Variants in RCSD1 observed in about 807,000 individuals in gnomAD.
RCSD1 encodes RCSD domain containing 1.
RCSD1 carries 26 observed loss-of-function variants against 42.5 expected under a neutral mutation model. The ratio of observed to expected loss-of-function variants is 0.61; its 90% CI spans 0.45 to 0.85. The LOEUF (loss-of-function observed/expected upper bound fraction) is 0.85. Among genes scored for constraint, RCSD1 ranks in the 40% least tolerant of loss-of-function variants. The probability of loss-of-function intolerance (pLI) is 0.00; values close to 1 mark genes in which losing one functional copy is unlikely to be tolerated. For synonymous variants in RCSD1, 220 were observed against 212.2 expected, an observed-to-expected ratio of 1.04 and a Z score of -0.32; for missense variants, 571 against 528.3, an observed-to-expected ratio of 1.08 and a Z score of -0.79.
intron 1 of RCSD1, among the ~76,000 whole-genome samples, chr1:167,665,216 G>A (rs1247661076): frequency 6.6e-6 from 1 of 152,086 alleles, no homozygotes; most frequent in East Asian, 1.9e-4. Flanking sequence ...AGAACCATAC[G>A]GGAAGTCATT....
intron 1 of RCSD1, among the ~76,000 whole-genome samples, chr1:167,670,471 C>CA (rs1658777479): frequency 6.6e-6 from 1 of 152,074 alleles, no homozygotes; most frequent in South Asian, 2.1e-4. Flanking sequence ...AAAGAGAAGA[C>CA]AAAAATGGTT....
chr1:167,641,377 A>G (rs1408362994), intron 1 of RCSD1: 1 of 152,198 alleles, frequency 6.6e-6, no homozygotes, highest in Non-Finnish European at 1.5e-5. Flanking sequence ...TAATCCCTTC[A>G]TTCATTTATT....
chr1:167,703,343 T>C (rs529050854), intron 6 of RCSD1, among the ~76,000 whole-genome samples: 12 of 152,074 alleles, frequency 7.9e-5, no homozygotes, highest in Non-Finnish European at 1.6e-4. Context: ...ACCAGCGCTT[T>C]GTGGGAGCTC....
intron 6 of RCSD1, among the ~76,000 whole-genome samples, chr1:167,698,199 G>T (rs1362184652): frequency 5.3e-5 from 8 of 152,126 alleles, no homozygotes; most frequent in African/African-American, 1.9e-4. Flanking sequence ...CTGCTGCAGG[G>T]GATCCAGAGA....
At chr1:167,661,695 G>A (rs1009488334) in intron 1 of RCSD1, among the ~76,000 whole-genome samples, 4 of 152,188 alleles carry the variant, frequency 2.6e-5, no homozygotes, top group Non-Finnish European at 4.4e-5. Context: ...TTCCGCTGTC[G>A]ATTAATATAT....
chr1:167,678,780 C>T (rs1461325901), intron 1 of RCSD1, among the ~76,000 whole-genome samples: 1 of 152,192 alleles, frequency 6.6e-6, no homozygotes, highest in South Asian at 2.1e-4. Flanking sequence ...CTCACACTAC[C>T]ACTCGCATCT....
chr1:167,675,345 C>T (rs530550736), intron 1 of RCSD1, among the ~76,000 whole-genome samples: 75 of 151,980 alleles, frequency 4.9e-4, no homozygotes, highest in African/African-American at 1.1e-3. Context: ...AGCAAAGACA[C>T]GGCCTACATG....
intron 1 of RCSD1, 149 bp downstream of exon 1, chr1:167,630,578 C>CTCCT: frequency 1.3e-6 from 1 of 786,618 alleles, no homozygotes; most frequent in South Asian, 3.7e-5. Context: ...GTTCCGACGC[C>CTCCT]TCCTTGACCA....
At chr1:167,655,881 A>C (rs986875897) in intron 1 of RCSD1, among the ~76,000 whole-genome samples, 21 of 152,356 alleles carry the variant, frequency 1.4e-4, no homozygotes, top group African/African-American at 5.0e-4. Context: ...TAGGCAAGAA[A>C]AAATGTTATA....
chr1:167,672,388 T>C (rs986891698), intron 1 of RCSD1, among the ~76,000 whole-genome samples: 2 of 152,228 alleles, frequency 1.3e-5, no homozygotes, highest in Admixed American at 1.3e-4. Flanking sequence ...ATGAACTTAT[T>C]ATCTTAGAGT....
chr1:167,687,846 G>A (rs1659273525), intron 3 of RCSD1, among the ~76,000 whole-genome samples: 1 of 152,234 alleles, frequency 6.6e-6, no homozygotes, highest in South Asian at 2.1e-4. Context: ...GTGACCAAGA[G>A]TTACCCCTCT....
At chr1:167,701,320 T>TTTCTTTCTTTCTTTCTTTC (rs1386453311) in intron 6 of RCSD1, among the ~76,000 whole-genome samples, 1,578 of 97,848 alleles carry the variant, frequency 0.016, 18 homozygotes, top group Non-Finnish European at 0.02. Context: ...TTCTTTCTTT[T>TTTCTTTCTTTCTTTCTTTC]TTTTAGATGG....
intron 3 of RCSD1, among the ~76,000 whole-genome samples, chr1:167,688,088 AG>A (rs1411930753): frequency 6.6e-6 from 1 of 152,192 alleles, no homozygotes; most frequent in East Asian, 1.9e-4. Flanking sequence ...TTAAACCGTA[AG>A]GGAAATGATG....
rs775644875 is a variant in RCSD1, at chr1:167,697,166, G to A, written c.542G>A (p.Cys181Tyr). The A allele has an allele frequency of 1.2e-6, 2 of 1,614,208 alleles. No homozygotes were observed. The highest frequency in any genetic ancestry group is 4.5e-5 in the East Asian group (2 of 44,878). The change falls in exon 6 of 7, where the codon TGT (cysteine) becomes TAT (tyrosine). Residue 181 changes from cysteine (C) to tyrosine (Y), a missense_variant. Physicochemically the swap from Cys to Tyr is radical, Grantham distance 194. Coordinates refer to ENST00000367854, the MANE Select transcript of RCSD1 (RefSeq NM_052862.4). The part of the protein sequence containing the change: ...SRRFRRSQSD[C>Y]GELGDFRAVE... ...CGATTCCGAAGGTCACAGTCAGACT[G>A]TGGAGAACTTGGAGATTTCAGGGCG...
chr1:167,675,705 A>G (rs551615099), intron 1 of RCSD1, among the ~76,000 whole-genome samples: 2 of 152,316 alleles, frequency 1.3e-5, no homozygotes, highest in East Asian at 3.9e-4. Context: ...TTTAATTGCT[A>G]GATACCACGC....
intron 1 of RCSD1, chr1:167,633,945 T>C (rs1397620279): frequency 1.3e-5 from 2 of 152,192 alleles, no homozygotes; most frequent in African/African-American, 4.8e-5. Flanking sequence ...TGAAGTTCTC[T>C]ATGGTGCCAG....
In RCSD1 at chr1:167,684,871, T is replaced by A. The variant is rs142385511; in HGVS notation, c.109-550T>A. ...CCCGGGCAACAAGAGCGAAACTCAG[T>A]CTCAAAATAAATAAATACAAACAAG... On this transcript the variant is annotated intron_variant, in intron 2 of 6. Transcript: ENST00000367854. Among the ~76,000 whole-genome samples the A allele has an allele frequency of 9.2e-3, 1,400 of 152,172 alleles. 24 individuals carry two copies. The highest frequency in any genetic ancestry group is 0.033 in the African/African-American group (1,356 of 41,492).
chr1:167,634,937 TGA>T (rs201892781), intron 1 of RCSD1, among the ~76,000 whole-genome samples: 7,951 of 89,982 alleles, frequency 0.088, 257 homozygotes, highest in East Asian at 0.18. Context: ...ATTACTATGA[TGA>T]GAGTGTGTGT....
intron 1 of RCSD1, among the ~76,000 whole-genome samples, chr1:167,668,149 G>A (rs989972102): frequency 2.0e-5 from 3 of 152,108 alleles, no homozygotes; most frequent in African/African-American, 7.2e-5. Flanking sequence ...CAAATTAGCT[G>A]AGTGTGGCAC....
Sources: allele counts gnomAD v4.1 joint callset (sites outside exome capture counted in the v4.1 genomes callset), GRCh38; gene constraint gnomAD v4.1.1; transcripts MANE v1.5; gene names NCBI Gene and HGNC (gene_info 2026-07-23, HGNC 2026-07-21).